CIAO2A: variants seen among roughly 807,000 people sequenced by gnomAD.
The protein encoded by CIAO2A is MIP18 family protein FAM96A.
A neutral mutation model predicts 22.4 loss-of-function variants in CIAO2A; 17 were observed. That is an observed-to-expected ratio of 0.76 (90% CI 0.52 to 1.14). The LOEUF (loss-of-function observed/expected upper bound fraction) is 1.14, where lower values mean the gene tolerates loss of function less well. Ranked by LOEUF, CIAO2A falls within the 50% of genes most tolerant of loss-of-function variation. The pLI is 0.00. For missense variants in CIAO2A, 192 were observed against 191.4 expected (o/e 1.00, Z -0.02); for synonymous variants, 74 against 72.3 (o/e 1.02, Z -0.12).
intron 1 of CIAO2A, 98 bp downstream of exon 1, chr15:64,093,545 GTC>G: frequency 1.5e-6 from 2 of 1,317,464 alleles, no homozygotes; most frequent in South Asian, 3.3e-5. Context: ...AAAAAAAAAG[GTC>G]TCCCCTCCCA....
chr15:64,077,091 T>C (rs2080724284), intron 3 of CIAO2A, among the ~76,000 whole-genome samples: 1 of 152,026 alleles, frequency 6.6e-6, no homozygotes, highest in Non-Finnish European at 1.5e-5. Flanking sequence ...GGCAGGCGGA[T>C]CACGAGGTCA....
chr15:64,085,368 C>G (rs1315430075), intron 2 of CIAO2A, among the ~76,000 whole-genome samples: 1 of 152,090 alleles, frequency 6.6e-6, no homozygotes, highest in Non-Finnish European at 1.5e-5. Context: ...CATAGTGGCA[C>G]CTGCCTGAAG....
chr15:64,078,206 A>G lies in CIAO2A; in HGVS notation c.340-2669T>C, dbSNP rs141691191. On this transcript the variant is annotated intron_variant, in intron 3 of 4. Transcript: ENST00000300030. The stretch of plus-strand genomic sequence containing the variant: ...GTTAAAAATGAAAAATAAAATTTAC[A>G]GGGCATCATAAACCACTAGTATAAT... Among the ~76,000 whole-genome samples the G allele has an allele frequency of 3.7e-3, 566 of 152,358 alleles. 3 individuals carry two copies. The highest frequency in any genetic ancestry group is 0.013 in the African/African-American group (537 of 41,592).
At chr15:64,084,986 G>A (rs1001060250) in intron 2 of CIAO2A, among the ~76,000 whole-genome samples, 1 of 151,176 alleles carries the variant, frequency 6.6e-6, no homozygotes, top group Non-Finnish European at 1.5e-5. Flanking sequence ...CTAGCTACTC[G>A]GGAGGCTGAA....
chr15:64,093,451 A>AC (rs1271167031), intron 1 of CIAO2A, among the ~76,000 whole-genome samples, 194 bp downstream of exon 1: 1 of 150,216 alleles, frequency 6.7e-6, no homozygotes, highest in Non-Finnish European at 1.5e-5. Flanking sequence ...AAAGACCCAC[A>AC]CCCCCCACGT....
At chr15:64,090,466 C>T (rs2080831995) in intron 1 of CIAO2A, among the ~76,000 whole-genome samples, 1 of 152,060 alleles carries the variant, frequency 6.6e-6, no homozygotes. Flanking sequence ...AGGTACAACC[C>T]AGTATGAGAA....
chr15:64,083,722 C>G (rs2080773144), intron 2 of CIAO2A, among the ~76,000 whole-genome samples: 1 of 152,102 alleles, frequency 6.6e-6, no homozygotes, highest in African/African-American at 2.4e-5. Flanking sequence ...GTGGGCGGAT[C>G]ACTTGAGGCT....
At chr15:64,077,868 A>G (rs2080730879) in intron 3 of CIAO2A, among the ~76,000 whole-genome samples, 2 of 152,196 alleles carry the variant, frequency 1.3e-5, no homozygotes, top group Admixed American at 1.3e-4. Context: ...TACTGTATCA[A>G]TGTCCTGGTT....
At position 64,093,794 on chromosome 15, in the gene CIAO2A, C is replaced by A; in HGVS notation, c.-26G>T. 6.2e-7 allele frequency: 1 copy of A among 1,604,548 alleles called. No homozygotes were observed. The highest frequency in any genetic ancestry group is 8.5e-7 in the Non-Finnish European group (1 of 1,172,974). On this transcript the variant is annotated 5_prime_UTR_variant, in exon 1 of 5. Coordinates refer to ENST00000300030, the MANE Select transcript of CIAO2A (RefSeq NM_032231.7). ...CTTCACGCTCAGCCATCCCTGGCGA[C>A]TGTCCCAATCGCGCCACCGTCTCTC...
chr15:64,079,199 G>T (rs1332167793), intron 3 of CIAO2A, among the ~76,000 whole-genome samples: 1 of 151,908 alleles, frequency 6.6e-6, no homozygotes, highest in Non-Finnish European at 1.5e-5. Flanking sequence ...AAGAAATCAG[G>T]ACTGATATCA....
At chr15:64,073,055 CAGA>C (rs1320338447) in intron 4 of CIAO2A, 27 bp from the exon 5 acceptor site, 2 of 1,504,180 alleles carry the variant, frequency 1.3e-6, no homozygotes, top group African/African-American at 2.8e-5. Flanking sequence ...CAAAAGTTAG[CAGA>C]AGAACTGTGT....
Position 64,093,741 on chromosome 15 carries a change from A to AGGAGAGCAGCCC in CIAO2A, c.16_27dup (p.Gly6_Ser9dup), listed in dbSNP as rs757515727. ...AGCCACAGGACTCTGCTCAGCGTCC[A>AGGAGAGCAGCCC]GGAGAGCAGCCCGGACACCCGCTGC... On this transcript the variant is annotated inframe_insertion, in exon 1 of 5. Transcript: ENST00000300030. 1.9e-5 allele frequency: 30 copies of AGGAGAGCAGCCC among 1,613,306 alleles called. No individual in the cohort carries two copies. The highest frequency in any genetic ancestry group is 2.4e-5 in the Non-Finnish European group (28 of 1,179,404).
chr15:64,088,694 A>T lies in CIAO2A; in HGVS notation c.282T>A (p.Thr94=). 6.2e-7 allele frequency: 1 copy of T among 1,608,370 alleles called. No individual in the cohort carries two copies. The highest frequency in any genetic ancestry group is 8.5e-7 in the Non-Finnish European group (1 of 1,178,430). The part of the protein sequence containing the change: ...TPTVPHCSLA[T]LIGLCLRVKL... ...ATGTACAGAAAAACTTACCAATAAG[A>T]GTCGCCAAAGAGCAATGAGGTACTG... The change falls in exon 2 of 5, where the codon ACT becomes ACA. Residue 94 remains threonine (T), a synonymous_variant. Coordinates refer to ENST00000300030, the MANE Select transcript of CIAO2A (RefSeq NM_032231.7).
At chr15:64,081,287 C>T in intron 2 of CIAO2A, 136 bp from the exon 3 acceptor site, 1 of 658,966 alleles carries the variant, frequency 1.5e-6, no homozygotes, top group Admixed American at 3.1e-5. Flanking sequence ...CAGAGCAGAG[C>T]TCCTTTGAGG....
rs143724505 is a variant in CIAO2A, at chr15:64,079,692, G to A, written c.339+1410C>T. ...TAAGAGACAAGGCCGAATCATTCACGAGCGATAACCAATTACTATGAATTA... is the reference window on the plus strand; with the variant it reads ...TAAGAGACAAGGCCGAATCATTCACAAGCGATAACCAATTACTATGAATTA... On this transcript the variant is annotated intron_variant, in intron 3 of 4. Transcript: ENST00000300030. Among the ~76,000 whole-genome samples, 570 of 152,298 alleles carry A rather than the reference G, an allele frequency of 3.7e-3. 3 individuals are homozygous for A. The highest frequency in any genetic ancestry group is 0.013 in the African/African-American group (538 of 41,560).
chr15:64,075,993 G>A (rs1230285334), intron 3 of CIAO2A, among the ~76,000 whole-genome samples: 2 of 151,330 alleles, frequency 1.3e-5, no homozygotes, highest in African/African-American at 4.9e-5. Flanking sequence ...CAGAGACATA[G>A]GGACAAATCC....
intron 1 of CIAO2A, chr15:64,090,429 G>A (rs1286107037): frequency 6.6e-6 from 1 of 152,518 alleles, no homozygotes; most frequent in Non-Finnish European, 1.5e-5. Context: ...TGGCCTTTGA[G>A]TTTTAAAAAT....
intron 3 of CIAO2A, among the ~76,000 whole-genome samples, chr15:64,078,636 AAAC>A (rs1185323285): frequency 1.1e-5 from 1 of 90,750 alleles, no homozygotes; most frequent in African/African-American, 4.3e-5. Context: ...ATTCCATCGC[AAAC>A]AAAAAAAAAA....
intron 2 of CIAO2A, among the ~76,000 whole-genome samples, chr15:64,083,043 A>G (rs1056442039): frequency 1.4e-4 from 21 of 149,108 alleles, no homozygotes; most frequent in African/African-American, 5.1e-4. Flanking sequence ...CTCTAAAAGT[A>G]ATAATAATAA....
Sources: gnomAD v4.1 joint callset for allele counts (sites outside exome capture counted in the v4.1 genomes callset) on GRCh38, gnomAD v4.1.1 for gene constraint, MANE v1.5 for transcripts, NCBI Gene and HGNC (gene_info 2026-07-23, HGNC 2026-07-21) for gene names.